SHROOM3: variants seen among roughly 807,000 people sequenced by gnomAD.
SHROOM3 encodes the protein protein Shroom3.
In SHROOM3, 47 loss-of-function variants were observed where a neutral mutation model predicts 138.6. The ratio of observed to expected loss-of-function variants is 0.34; its 90% CI spans 0.27 to 0.43. The LOEUF is 0.43. SHROOM3 is among the 20% of genes least tolerant of loss of function. SHROOM3 has a pLI of 1.00. For missense variants in SHROOM3, 2,491 were observed against 2,596.5 expected, an observed-to-expected ratio of 0.96 and a Z score of 0.88; for synonymous variants, 1,062 against 1,063.3, an observed-to-expected ratio of 1.00 and a Z score of 0.02.
intron 2 of SHROOM3, among the ~76,000 whole-genome samples, chr4:76,683,117 T>C (rs1326883775): frequency 6.6e-6 from 1 of 152,200 alleles, no homozygotes; most frequent in Non-Finnish European, 1.5e-5. Context: ...TGCCCATGAA[T>C]GTAGGTGAAG....
At chr4:76,560,179 G>A (rs925076371) in intron 2 of SHROOM3, among the ~76,000 whole-genome samples, 5 of 152,166 alleles carry the variant, frequency 3.3e-5, no homozygotes, top group Non-Finnish European at 5.9e-5. Context: ...TGGTAGATAC[G>A]TGTAAAATAG....
At position 76,739,257 on chromosome 4, in the gene SHROOM3, A is replaced by C; in HGVS notation, c.1084A>C (p.Ser362Arg). 6.2e-7 allele frequency: 1 copy of C among 1,614,074 alleles called. No individual in the cohort carries two copies. The highest frequency in any genetic ancestry group is 8.5e-7 in the Non-Finnish European group (1 of 1,180,022). Residue 362 changes from serine to arginine, a missense_variant, in exon 5 of 11, where the codon AGC (serine) becomes CGC (arginine). Coordinates refer to ENST00000296043, the MANE Select transcript of SHROOM3 (RefSeq NM_020859.4). ...RGKGVPPPSW[S>R]QQCPSSLETA... ...CAAGGGAGTGCCACCCCCATCCTGGAGCCAGCAGTGCCCCAGTTCCTTGGA... is the reference window on the plus strand; with the variant it reads ...CAAGGGAGTGCCACCCCCATCCTGGCGCCAGCAGTGCCCCAGTTCCTTGGA...
At chr4:76,696,659 TG>T (rs1560594396) in intron 2 of SHROOM3, among the ~76,000 whole-genome samples, 1 of 152,064 alleles carries the variant, frequency 6.6e-6, no homozygotes, top group Non-Finnish European at 1.5e-5. Context: ...GAATGCCCAT[TG>T]AGGGGGAAGG....
At chr4:76,486,951 A>G (rs1011236551) in intron 1 of SHROOM3, among the ~76,000 whole-genome samples, 2 of 152,216 alleles carry the variant, frequency 1.3e-5, no homozygotes, top group Non-Finnish European at 2.9e-5. Flanking sequence ...CACATATTAT[A>G]AAGTTCACCT....
chr4:76,590,828 T>C (rs943892741), intron 2 of SHROOM3, among the ~76,000 whole-genome samples: 7 of 152,068 alleles, frequency 4.6e-5, no homozygotes, highest in African/African-American at 1.7e-4. Context: ...TTTTTTGAGA[T>C]TTTCTTGGTA....
chr4:76,776,604 G>T (rs1466223451), intron 10 of SHROOM3, among the ~76,000 whole-genome samples: 1 of 152,150 alleles, frequency 6.6e-6, no homozygotes, highest in African/African-American at 2.4e-5. Context: ...AAAAACCGTG[G>T]AGTTTAATTT....
In SHROOM3 at chr4:76,781,703, T is replaced by C. The variant is rs1047527275; in HGVS notation, c.*2526T>C. ...TAACCAAATTTTCAAAGTTTCCTTT[T>C]AAATGCGTTTAGCTAGAAATCTATG... On this transcript the variant is annotated 3_prime_UTR_variant, in exon 11 of 11. Transcript: ENST00000296043. 2 of 152,374 alleles carry C rather than the reference T, an allele frequency of 1.3e-5. No homozygotes were observed. Among genetic ancestry groups the C allele is most frequent in the East Asian group, 1.9e-4 (1 of 5,192 alleles). The allele number at this position is 152,374 out of a possible 1,614,324, so 9.4% of individuals were successfully genotyped here. A position where few individuals can be genotyped will look rare whatever the true frequency, so the allele number is the denominator to read the frequency against.
chr4:76,689,692 G>T (rs1304541828), intron 2 of SHROOM3: 10 of 985,516 alleles, frequency 1.0e-5, no homozygotes, highest in Non-Finnish European at 1.1e-5. Flanking sequence ...GCCGCGAGGC[G>T]AGCGGCGATG....
chr4:76,676,582 G>A (rs17002160), intron 2 of SHROOM3, among the ~76,000 whole-genome samples: 2,045 of 152,190 alleles, frequency 0.013, 37 homozygotes, highest in African/African-American at 0.047. Flanking sequence ...TGCAGGTCCT[G>A]GGAGGTTGGC....
chr4:76,739,780 A>G lies in SHROOM3; in HGVS notation c.1607A>G (p.His536Arg), dbSNP rs773117377. ...PGFAFCQPLE[H>R]DLLSPVEKKP... is the part of the protein sequence containing the mutation. ...TTTGCCTTCTGCCAGCCCTTAGAAC[A>G]TGACTTGCTGTCCCCAGTGGAGAAG... The change falls in exon 5 of 11, where the codon CAT becomes CGT. Residue 536 changes from histidine to arginine, a missense_variant. Coordinates refer to ENST00000296043, the MANE Select transcript of SHROOM3 (RefSeq NM_020859.4). 1 of 1,614,148 alleles carries G rather than the reference A, an allele frequency of 6.2e-7. No individual in the cohort carries two copies. The highest frequency in any genetic ancestry group is 8.5e-7 in the Non-Finnish European group (1 of 1,180,018).
At chr4:76,775,677 ATG>A (rs373446401) in intron 10 of SHROOM3, among the ~76,000 whole-genome samples, 268 of 148,732 alleles carry the variant, frequency 1.8e-3, no homozygotes, top group Non-Finnish European at 2.6e-3. Context: ...AATAAAGAAA[ATG>A]TGTGTGTGTG....
chr4:76,735,869 ATATATATATATATATAT>A (rs1230435953), intron 4 of SHROOM3, among the ~76,000 whole-genome samples: 19 of 13,996 alleles, frequency 1.4e-3, no homozygotes, highest in African/African-American at 5.1e-3. Flanking sequence ...AAAAAAAAAA[ATATATATATATATATAT>A]ATATATATAT....
chr4:76,501,683 GT>G (rs996084481), intron 1 of SHROOM3, among the ~76,000 whole-genome samples: 4 of 152,070 alleles, frequency 2.6e-5, no homozygotes, highest in African/African-American at 9.7e-5. Context: ...TAGAAATAAA[GT>G]TAATCACTGA....
At chr4:76,658,334 C>G (rs993739504) in intron 2 of SHROOM3, among the ~76,000 whole-genome samples, 1 of 152,070 alleles carries the variant, frequency 6.6e-6, no homozygotes, top group Non-Finnish European at 1.5e-5. Flanking sequence ...AATGGAAAAT[C>G]AAAGGAAAGG....
At chr4:76,445,722 A>G (rs541759786) in intron 1 of SHROOM3, among the ~76,000 whole-genome samples, 1 of 152,290 alleles carries the variant, frequency 6.6e-6, no homozygotes, top group South Asian at 2.1e-4. Context: ...GTGAGGGTAG[A>G]TCGCACCAAG....
chr4:76,567,232 A>G (rs751708343), intron 2 of SHROOM3, among the ~76,000 whole-genome samples: 1 of 152,198 alleles, frequency 6.6e-6, no homozygotes, highest in African/African-American at 2.4e-5. Flanking sequence ...TCTAAGGAGC[A>G]TTTTTAAAAG....
At chr4:76,526,641 T>C (rs1732696647) in intron 1 of SHROOM3, among the ~76,000 whole-genome samples, 1 of 152,208 alleles carries the variant, frequency 6.6e-6, no homozygotes, top group South Asian at 2.1e-4. Flanking sequence ...TTCCCTAACG[T>C]ACTGAGAGTC....
At chr4:76,723,792 G>A (rs1253848554) in intron 3 of SHROOM3, among the ~76,000 whole-genome samples, 1 of 152,132 alleles carries the variant, frequency 6.6e-6, no homozygotes, top group South Asian at 2.1e-4. Flanking sequence ...TAATATAAAG[G>A]CTAAGTGAGA....
In SHROOM3 at chr4:76,528,474, C is replaced by A. The variant is rs115254609; in HGVS notation, c.169-27135C>A. Among the ~76,000 whole-genome samples, 1,150 of 150,604 alleles carry A rather than the reference C, an allele frequency of 7.6e-3. 19 individuals carry two copies. The highest frequency in any genetic ancestry group is 0.025 in the African/African-American group (1,004 of 40,956). Reference sequence around the variant, plus strand: ...GCTTGGGACTATAGGCTTGCTCATGCTCAGCAAAAGCCAGTCTTTCTTCAG... The same window carrying A: ...GCTTGGGACTATAGGCTTGCTCATGATCAGCAAAAGCCAGTCTTTCTTCAG... On this transcript the variant is annotated intron_variant, in intron 1 of 10. Transcript: ENST00000296043.
Sources: allele counts gnomAD v4.1 joint callset (sites outside exome capture counted in the v4.1 genomes callset), GRCh38; gene constraint gnomAD v4.1.1; transcripts MANE v1.5; gene names NCBI Gene and HGNC (gene_info 2026-07-23, HGNC 2026-07-21).